Variants in AGAP1 observed in about 807,000 individuals in gnomAD.
The protein encoded by AGAP1 is arf-GAP with GTPase, ANK repeat and PH domain-containing protein 1.
AGAP1 carries 29 observed loss-of-function variants against 105.3 expected under a neutral mutation model. The observed-to-expected ratio is 0.28, with a 90% CI of 0.21 to 0.38. The LOEUF (loss-of-function observed/expected upper bound fraction) is 0.38, where lower values mean the gene tolerates loss of function less well. AGAP1 is among the 10% of genes least tolerant of loss of function. The pLI is 1.00. For synonymous variants in AGAP1, 509 were observed against 485.9 expected (o/e 1.05, Z -0.63); for missense variants, 998 against 1,165.1 (o/e 0.86, Z 2.09).
At chr2:235,837,350 C>T (rs1960293469) in intron 9 of AGAP1, among the ~76,000 whole-genome samples, 1 of 152,172 alleles carries the variant, frequency 6.6e-6, no homozygotes, top group South Asian at 2.1e-4. Flanking sequence ...TAAAGTAATA[C>T]TGAGTACTTT....
chr2:235,632,429 T>C (rs552850689), intron 1 of AGAP1, among the ~76,000 whole-genome samples: 1 of 152,296 alleles, frequency 6.6e-6, no homozygotes, highest in South Asian at 2.1e-4. Flanking sequence ...GGAGCCCCTG[T>C]TTCGCCACGT....
At chr2:235,512,971 G>A (rs1474425484) in intron 1 of AGAP1, among the ~76,000 whole-genome samples, 1 of 152,226 alleles carries the variant, frequency 6.6e-6, no homozygotes, top group Non-Finnish European at 1.5e-5. Flanking sequence ...TCCTCTGGCA[G>A]CATCTGTTTA....
In AGAP1 at chr2:235,707,625, ACGTGCTCCC is replaced by A. The variant is rs1279513299; in HGVS notation, c.164-1552_164-1544del. On this transcript the variant is annotated intron_variant, in intron 1 of 17. Coordinates refer to ENST00000304032, the MANE Select transcript of AGAP1 (RefSeq NM_001037131.3). ...CTCCCCCGGCGTGTGACTTGGTGGGACGTGCTCCCCAGCATGTGACATGATGGGTTGTGC... is the reference window on the plus strand; with the variant it reads ...CTCCCCCGGCGTGTGACTTGGTGGGACAGCATGTGACATGATGGGTTGTGC... Among the ~76,000 whole-genome samples, 551 of 124,128 alleles carry A rather than the reference ACGTGCTCCC, an allele frequency of 4.4e-3. 10 individuals are homozygous for A. The highest frequency in any genetic ancestry group is 0.016 in the African/African-American group (505 of 32,140). The allele number at this position is 124,128 out of a possible 152,430, so 81.4% of individuals were successfully genotyped here.
At chr2:235,764,325 A>C (rs547206419) in intron 6 of AGAP1, among the ~76,000 whole-genome samples, 1 of 152,134 alleles carries the variant, frequency 6.6e-6, no homozygotes, top group South Asian at 2.1e-4. Context: ...ACCGATTTTC[A>C]GGGAAGAGCT....
At chr2:235,767,717 G>A (rs1312116291) in intron 6 of AGAP1, among the ~76,000 whole-genome samples, 1 of 151,436 alleles carries the variant, frequency 6.6e-6, no homozygotes, top group Non-Finnish European at 1.5e-5. Context: ...TGGGGGCACA[G>A]CACGGATGGG....
intron 1 of AGAP1, among the ~76,000 whole-genome samples, chr2:235,560,441 G>A (rs1164451274): frequency 6.6e-6 from 1 of 151,964 alleles, no homozygotes; most frequent in South Asian, 2.1e-4. Flanking sequence ...CTAATCCCCA[G>A]AACTTGCGAT....
chr2:235,644,890 G>A (rs773905264), intron 1 of AGAP1, among the ~76,000 whole-genome samples: 5 of 151,750 alleles, frequency 3.3e-5, no homozygotes, highest in Non-Finnish European at 7.4e-5. Context: ...CAATCAAGGT[G>A]TAAGACTTTT....
intron 9 of AGAP1, among the ~76,000 whole-genome samples, chr2:235,821,447 G>A (rs903156377): frequency 4.0e-5 from 6 of 149,352 alleles, no homozygotes; most frequent in African/African-American, 1.2e-4. Context: ...GCAGTGGTGC[G>A]ATCTTGGCTC....
At chr2:235,742,857 T>C (rs936301175) in intron 4 of AGAP1, among the ~76,000 whole-genome samples, 12 of 152,084 alleles carry the variant, frequency 7.9e-5, no homozygotes, top group African/African-American at 2.4e-4. Flanking sequence ...GCACAAAAGC[T>C]TAAATATAGA....
intron 1 of AGAP1, among the ~76,000 whole-genome samples, chr2:235,682,391 G>T (rs577476119): frequency 6.6e-6 from 1 of 151,178 alleles, no homozygotes; most frequent in Non-Finnish European, 1.5e-5. Context: ...TGCCCAGGCT[G>T]GAGTGCAGTG....
At chr2:235,588,830 A>C (rs1242910600) in intron 1 of AGAP1, among the ~76,000 whole-genome samples, 1 of 152,140 alleles carries the variant, frequency 6.6e-6, no homozygotes, top group African/African-American at 2.4e-5. Context: ...TTTACCCAGC[A>C]CGTTGGGGAT....
Position 235,731,940 on chromosome 2 carries a change from G to A in AGAP1, c.311-9023G>A, listed in dbSNP as rs139142137. On this transcript the variant is annotated intron_variant, in intron 3 of 17. Transcript: ENST00000304032. ...ACCCCATCACTTCACCCCAAAGTGC[G>A]CAGGGAAGAAATGGAAGGGGCAGCC... 2.5e-3 allele frequency among the ~76,000 whole-genome samples: 379 copies of A among 152,242 alleles called. 4 individuals carry two copies. The highest frequency in any genetic ancestry group is 0.02 in the East Asian group (105 of 5,172).
chr2:235,521,840 T>C (rs1942636452), intron 1 of AGAP1, among the ~76,000 whole-genome samples: 1 of 152,022 alleles, frequency 6.6e-6, no homozygotes, highest in African/African-American at 2.4e-5. Context: ...TTCTTGTCAA[T>C]GTATTTTTGG....
intron 10 of AGAP1, among the ~76,000 whole-genome samples, chr2:235,885,414 TC>T (rs1215770275): frequency 2.0e-5 from 3 of 152,242 alleles, no homozygotes; most frequent in African/African-American, 7.2e-5. Context: ...AGAACTCTAA[TC>T]AACGTTCCTC....
In AGAP1 at chr2:235,609,309, C is replaced by T. The variant is rs1946049931; in HGVS notation, c.164-99870C>T. Among the ~76,000 whole-genome samples, 1 of 152,050 alleles carries T rather than the reference C, an allele frequency of 6.6e-6. No homozygotes were observed. The highest frequency in any genetic ancestry group is 2.1e-4 in the South Asian group (1 of 4,810). On this transcript the variant is annotated intron_variant, in intron 1 of 17. Transcript: ENST00000304032. The surrounding 1 kb of genome is among the most constrained non-coding windows in gnomAD (Gnocchi z 5.1). ...GGAAGAGAACACAATGAAATTGAGTCCCTAGCAGGAGAAGTCCCTGTTAAA... is the reference window on the plus strand; with the variant it reads ...GGAAGAGAACACAATGAAATTGAGTTCCTAGCAGGAGAAGTCCCTGTTAAA...
In AGAP1 at chr2:235,517,527, G is replaced by A. The variant is rs896966945; in HGVS notation, c.163+22678G>A. 1.3e-5 allele frequency among the ~76,000 whole-genome samples: 2 copies of A among 152,140 alleles called. No individual in the cohort carries two copies. Among genetic ancestry groups the A allele is most frequent in the African/African-American group, 4.8e-5 (2 of 41,410 alleles). ...TAATTTTTACTGGAAAGAAGTAGCA[G>A]CCATGAGGCAGGAGATCCTCTTTAC... On this transcript the variant is annotated intron_variant, in intron 1 of 17. Transcript: ENST00000304032. The surrounding 1 kb of genome is among the most constrained non-coding windows in gnomAD (Gnocchi z 4.1).
intron 11 of AGAP1, among the ~76,000 whole-genome samples, chr2:235,914,550 A>G (rs1178121504): frequency 6.6e-6 from 1 of 152,216 alleles, no homozygotes; most frequent in Non-Finnish European, 1.5e-5. Context: ...ATTTGCCTGT[A>G]TTGAAATAGT....
chr2:235,835,948 A>G (rs1960105482), intron 9 of AGAP1, among the ~76,000 whole-genome samples: 1 of 152,202 alleles, frequency 6.6e-6, no homozygotes, highest in Non-Finnish European at 1.5e-5. Flanking sequence ...TTGCCAGCAA[A>G]ATGTTGACAG....
At chr2:236,025,898 T>A (rs2057033974) in intron 13 of AGAP1, among the ~76,000 whole-genome samples, 1 of 27,854 alleles carries the variant, frequency 3.6e-5, no homozygotes, top group African/African-American at 7.0e-4. Flanking sequence ...GGAGACTCCT[T>A]CTCGGGTGGG....
Sources: gnomAD v4.1 joint callset for allele counts (sites outside exome capture counted in the v4.1 genomes callset) on GRCh38, gnomAD v4.1.1 for gene constraint, Gnocchi (gnomAD v3.1) non-coding constraint, MANE v1.5 for transcripts, NCBI Gene and HGNC (gene_info 2026-07-23, HGNC 2026-07-21) for gene names.